ARID3B: variants seen among roughly 807,000 people sequenced by gnomAD.
ARID3B encodes AT-rich interactive domain-containing protein 3B.
Under a neutral mutation model 51.9 loss-of-function variants are expected in ARID3B, and 10 were observed. The observed-to-expected ratio is 0.19, with a 90% CI of 0.12 to 0.33. The LOEUF (loss-of-function observed/expected upper bound fraction) is 0.33, where lower values mean the gene tolerates loss of function less well. Ranked by LOEUF, ARID3B falls within the 10% of genes least tolerant of loss-of-function variation. The probability of loss-of-function intolerance (pLI) is 1.00; values close to 1 mark genes in which losing one functional copy is unlikely to be tolerated. For synonymous variants in ARID3B, 205 were observed against 279.5 expected (o/e 0.73, Z 2.66); for missense variants, 483 against 716.3 (o/e 0.67, Z 3.72).
rs759163368 is a variant in ARID3B at position 74,591,350 on chromosome 15, C to T, written c.1081C>T (p.Arg361Cys). 2.5e-5 allele frequency: 40 copies of T among 1,613,936 alleles called. No homozygotes were observed. The highest frequency in any genetic ancestry group is 2.8e-5 in the Non-Finnish European group (33 of 1,179,940). ...APALLSPPKI[R>C]FPILGLGSSS... is the part of the protein sequence containing the mutation. ...TGCCCTTCTCTCCCCACCCAAGATC[C>T]GCTTTCCCATCCTTGGGCTTGGCTC... Residue 361 changes from arginine to cysteine, a missense_variant, in exon 6 of 9, where the codon CGC becomes TGC. By Grantham distance (180) the Arg-to-Cys change is radical. Transcript: ENST00000346246. The surrounding 1 kb of genome is among the most constrained non-coding windows in gnomAD (Gnocchi z 5.8).
intron 2 of ARID3B, among the ~76,000 whole-genome samples, chr15:74,563,036 C>G (rs1373141208): frequency 6.6e-6 from 1 of 152,216 alleles, no homozygotes; most frequent in Non-Finnish European, 1.5e-5. Flanking sequence ...CCAGATTATT[C>G]ACTTAGCTTG....
In ARID3B at chr15:74,591,006, C is replaced by A; in HGVS notation, c.882-145C>A. On this transcript the variant is annotated intron_variant, in intron 5 of 8. Transcript: ENST00000346246. The surrounding 1 kb of genome is among the most constrained non-coding windows in gnomAD (Gnocchi z 5.8). ...GGGCAGAGTGTCCGGCCATCCCAGA[C>A]TTTTCTGCCAAGTATACCAAGGTTG... 1 of 1,301,214 alleles carries A rather than the reference C, an allele frequency of 7.7e-7. No individual in the cohort carries two copies. The highest frequency in any genetic ancestry group is 1.0e-6 in the Non-Finnish European group (1 of 955,528). The allele number at this position is 1,301,214 out of a possible 1,614,324, so 80.6% of individuals were successfully genotyped here. A position where few individuals can be genotyped will look rare whatever the true frequency, so the allele number is the denominator to read the frequency against.
chr15:74,555,042 C>T (rs1332524233), intron 2 of ARID3B, among the ~76,000 whole-genome samples: 1 of 152,098 alleles, frequency 6.6e-6, no homozygotes, highest in Non-Finnish European at 1.5e-5. Context: ...GATGGAGATG[C>T]TAATTACCCT....
At chr15:74,572,782 C>T (rs2061723606) in intron 2 of ARID3B, 80 bp from the exon 3 acceptor site, 1 of 1,359,174 alleles carries the variant, frequency 7.4e-7, no homozygotes, top group African/African-American at 1.4e-5. Context: ...TCATCTTTGC[C>T]CTAAATGATT....
intron 4 of ARID3B, among the ~76,000 whole-genome samples, chr15:74,578,406 C>T (rs1028252061): frequency 2.6e-5 from 4 of 152,122 alleles, no homozygotes; most frequent in South Asian, 4.1e-4. Context: ...AGCTCCCAAC[C>T]TCAGGTAATC....
chr15:74,567,534 C>T (rs186969267), intron 2 of ARID3B, among the ~76,000 whole-genome samples: 69 of 151,960 alleles, frequency 4.5e-4, no homozygotes, highest in Non-Finnish European at 6.2e-4. Context: ...GTCATCAGGT[C>T]TTTGCTTCTC....
At chr15:74,576,171 A>C (rs939839257) in intron 4 of ARID3B, among the ~76,000 whole-genome samples, 1 of 152,154 alleles carries the variant, frequency 6.6e-6, no homozygotes, top group African/African-American at 2.4e-5. Flanking sequence ...CTGGGATTAC[A>C]GGTATGAGCC....
chr15:74,580,695 T>C (rs777721652), intron 4 of ARID3B, among the ~76,000 whole-genome samples: 29 of 152,254 alleles, frequency 1.9e-4, no homozygotes, highest in Non-Finnish European at 3.4e-4. Context: ...GTCTCCTAAC[T>C]CCCAGGCCAG....
At chr15:74,560,550 A>G (rs1388846335) in intron 2 of ARID3B, among the ~76,000 whole-genome samples, 1 of 152,228 alleles carries the variant, frequency 6.6e-6, no homozygotes, top group East Asian at 1.9e-4. Context: ...TTATTTATTT[A>G]AAATCACATA....
Position 74,572,886 on chromosome 15 carries a change from G to C in ARID3B, c.577G>C (p.Asp193His), listed in dbSNP as rs1258006423. 1 of 1,614,100 alleles carries C rather than the reference G, an allele frequency of 6.2e-7. No homozygotes were observed. Among genetic ancestry groups the C allele is most frequent in the African/African-American group, 1.3e-5 (1 of 74,934 alleles). The part of the protein sequence containing the change: ...KQNGGLAWSD[D>H]ADGGRGREIS... ...GAATGGTGGTTTGGCCTGGAGTGAT[G>C]ATGCAGATGGAGGCCGGGGAAGAGA... The change falls in exon 3 of 9, where the codon GAT (aspartate) becomes CAT (histidine). Residue 193 changes from aspartate to histidine, a missense_variant. Transcript: ENST00000346246.
intron 4 of ARID3B, among the ~76,000 whole-genome samples, chr15:74,578,320 T>C (rs1171161489): frequency 6.6e-6 from 1 of 151,684 alleles, no homozygotes; most frequent in Non-Finnish European, 1.5e-5. Flanking sequence ...ATTACAGGCA[T>C]GTACCATTGC....
At chr15:74,565,506 G>C (rs969463023) in intron 2 of ARID3B, among the ~76,000 whole-genome samples, 1 of 152,202 alleles carries the variant, frequency 6.6e-6, no homozygotes, top group African/African-American at 2.4e-5. Flanking sequence ...CCCCAAGGAA[G>C]GGTTAACCCT....
intron 4 of ARID3B, among the ~76,000 whole-genome samples, chr15:74,577,865 C>T (rs1245604578): frequency 6.6e-6 from 1 of 151,868 alleles, no homozygotes; most frequent in Non-Finnish European, 1.5e-5. Context: ...TCATGTGAGG[C>T]TTGCTGTCTT....
At chr15:74,556,769 G>GTTTTT (rs2061659559) in intron 2 of ARID3B, among the ~76,000 whole-genome samples, 12 of 126,312 alleles carry the variant, frequency 9.5e-5, no homozygotes, top group South Asian at 8.1e-4. Context: ...TCTTTTTTTT[G>GTTTTT]TTTTTTGTTT....
chr15:74,579,505 T>A (rs2061751419), intron 4 of ARID3B, among the ~76,000 whole-genome samples: 1 of 152,208 alleles, frequency 6.6e-6, no homozygotes. Flanking sequence ...AGTGTCATCT[T>A]GGAAGTTTCT....
intron 4 of ARID3B, among the ~76,000 whole-genome samples, chr15:74,586,729 A>G (rs1306371808): frequency 6.6e-6 from 1 of 152,242 alleles, no homozygotes; most frequent in African/African-American, 2.4e-5. Context: ...TAATTTATTA[A>G]CACTATAAGG....
At chr15:74,584,332 C>G (rs1432607778) in intron 4 of ARID3B, among the ~76,000 whole-genome samples, 1 of 152,230 alleles carries the variant, frequency 6.6e-6, no homozygotes. Context: ...GTTCAGGAAG[C>G]CTGCCTGCCT....
intron 2 of ARID3B, among the ~76,000 whole-genome samples, chr15:74,564,572 G>C (rs1855121725): frequency 6.6e-6 from 1 of 152,108 alleles, no homozygotes; most frequent in Admixed American, 6.6e-5. Flanking sequence ...ATGAGCTTGG[G>C]ATCAGCCCCT....
At chr15:74,548,450 G>A (rs1043221614) in intron 2 of ARID3B, among the ~76,000 whole-genome samples, 1 of 152,118 alleles carries the variant, frequency 6.6e-6, no homozygotes, top group Non-Finnish European at 1.5e-5. Flanking sequence ...ATCCAACCAC[G>A]GGCTTAACAT....
Sources: gnomAD v4.1 joint callset for allele counts (sites outside exome capture counted in the v4.1 genomes callset) on GRCh38, gnomAD v4.1.1 for gene constraint, Gnocchi (gnomAD v3.1) non-coding constraint, MANE v1.5 for transcripts, NCBI Gene and HGNC (gene_info 2026-07-23, HGNC 2026-07-21) for gene names.